The following PALLD variants were observed in gnomAD, a reference collection of about 807,000 sequenced individuals.
The protein encoded by PALLD is palladin, cytoskeletal associated protein, also known as palladin.
A neutral mutation model predicts 123.5 loss-of-function variants in PALLD; 61 were observed. That is an observed-to-expected ratio of 0.49 (90% CI 0.40 to 0.61). PALLD has a LOEUF of 0.61. Among genes scored for constraint, PALLD ranks in the 20% least tolerant of loss-of-function variants. PALLD has a pLI of 0.00. For synonymous variants in PALLD, 465 were observed against 496.4 expected, an observed-to-expected ratio of 0.94 and a Z score of 0.84; for missense variants, 1,273 against 1,377.0, an observed-to-expected ratio of 0.92 and a Z score of 1.20.
chr4:168,827,363 T>C (rs1743560529), intron 10 of PALLD, among the ~76,000 whole-genome samples: 1 of 152,274 alleles, frequency 6.6e-6, no homozygotes, highest in Non-Finnish European at 1.5e-5. Flanking sequence ...ATTTTGGTTT[T>C]TTAAAGTTTC....
intron 8 of PALLD, among the ~76,000 whole-genome samples, chr4:168,699,211 T>C (rs1314893324): frequency 6.6e-6 from 1 of 152,152 alleles, no homozygotes; most frequent in African/African-American, 2.4e-5. Flanking sequence ...CCCAAGTAGC[T>C]GGAATTACAG....
chr4:168,764,563 G>C (rs574613733), intron 10 of PALLD, among the ~76,000 whole-genome samples: 2 of 152,204 alleles, frequency 1.3e-5, no homozygotes, highest in South Asian at 4.2e-4. Flanking sequence ...GACTACAGAT[G>C]TGTGCCACTG....
intron 10 of PALLD, 78 bp downstream of exon 10, chr4:168,712,001 C>A: frequency 7.8e-7 from 1 of 1,290,124 alleles, no homozygotes; most frequent in Non-Finnish European, 1.1e-6. Context: ...AAAACTTTTG[C>A]CTGTATTCAA....
chr4:168,639,220 A>G lies in PALLD; in HGVS notation c.909-28970A>G, dbSNP rs180743008. Among the ~76,000 whole-genome samples the G allele has an allele frequency of 1.8e-4, 27 of 152,360 alleles. No individual in the cohort carries two copies. The East Asian group carries it at 5.0e-3, about 28-fold the overall frequency. On this transcript the variant is annotated intron_variant, in intron 2 of 21. Coordinates refer to ENST00000505667, the MANE Select transcript of PALLD (RefSeq NM_001166108.2). ...TTTTCAAAACTGTGAAAACCACAGA[A>G]GTCATTGCTCAGTTGCCTTTATTTT...
intron 8 of PALLD, among the ~76,000 whole-genome samples, chr4:168,698,308 G>A (rs1482299823): frequency 6.6e-6 from 1 of 152,162 alleles, no homozygotes; most frequent in Non-Finnish European, 1.5e-5. Flanking sequence ...CAGGGTGACT[G>A]TAGTCAATAA....
chr4:168,858,027 G>A (rs972635851), intron 10 of PALLD, among the ~76,000 whole-genome samples: 2 of 152,216 alleles, frequency 1.3e-5, no homozygotes, highest in Non-Finnish European at 2.9e-5. Context: ...CAACACTTCT[G>A]ATGAGGGCAG....
chr4:168,568,204 G>A (rs956828022), intron 2 of PALLD, among the ~76,000 whole-genome samples: 1 of 151,698 alleles, frequency 6.6e-6, no homozygotes, highest in Non-Finnish European at 1.5e-5. Flanking sequence ...AGGCTTTATC[G>A]ACCTAGTGAT....
chr4:168,853,318 T>C (rs1748073276), intron 10 of PALLD, among the ~76,000 whole-genome samples: 1 of 152,186 alleles, frequency 6.6e-6, no homozygotes, highest in African/African-American at 2.4e-5. Flanking sequence ...CCACAGAAGC[T>C]CTCAGATGCC....
chr4:168,530,630 C>T (rs1198729515), intron 2 of PALLD: 1 of 152,256 alleles, frequency 6.6e-6, no homozygotes, highest in Non-Finnish European at 1.5e-5. Flanking sequence ...TAAAACTGCA[C>T]TGTCTCTTTG....
rs1260141929 is a variant in PALLD at position 168,921,637 on chromosome 4, C to T, written c.2954C>T (p.Ser985Phe). ...CTGGTGCGTGAGAACGGGGTGCACT[C>T]TCTGATCATAGAGCCAGTCACGTCA... Reference protein sequence around the residue: ...KMLVRENGVHSLIIEPVTSRD... With the variant: ...KMLVRENGVHFLIIEPVTSRD... Residue 985 changes from serine to phenylalanine, a missense_variant, in exon 18 of 22, where the codon TCT becomes TTT. Physicochemically the swap from Ser to Phe is radical, Grantham distance 155. Transcript: ENST00000505667. 1.2e-6 allele frequency: 2 copies of T among 1,611,342 alleles called. No individual in the cohort carries two copies. Among genetic ancestry groups the T allele is most frequent in the Non-Finnish European group, 1.7e-6 (2 of 1,179,670 alleles).
chr4:168,557,720 C>T (rs1767464413), intron 2 of PALLD, among the ~76,000 whole-genome samples: 1 of 152,204 alleles, frequency 6.6e-6, no homozygotes, highest in Non-Finnish European at 1.5e-5. Flanking sequence ...CGGTCTCCTT[C>T]AGTAGTAAGA....
chr4:168,543,236 G>A (rs141315431), intron 2 of PALLD, among the ~76,000 whole-genome samples: 18 of 152,002 alleles, frequency 1.2e-4, no homozygotes, highest in Non-Finnish European at 2.2e-4. Flanking sequence ...CGATACTACT[G>A]TTGAGAGGAA....
At chr4:168,786,653 G>A (rs924106876) in intron 10 of PALLD, among the ~76,000 whole-genome samples, 3 of 152,212 alleles carry the variant, frequency 2.0e-5, no homozygotes, top group Admixed American at 6.5e-5. Flanking sequence ...TTGGGCAACA[G>A]AGCGAGACCC....
Position 168,761,322 on chromosome 4 carries a change from G to GGAAC in PALLD, c.1964+49399_1964+49400insGAAC, listed in dbSNP as rs2150440123. ...GTCCCCTGTGTTCCTGTGGTCCGCT[G>GGAAC]TAGGGCTACTCTGGAGTCTCTGGCT... On this transcript the variant is annotated intron_variant, in intron 10 of 21. Coordinates refer to ENST00000505667, the MANE Select transcript of PALLD (RefSeq NM_001166108.2). Among the ~76,000 whole-genome samples, 3 of 152,216 alleles carry GGAAC rather than the reference G, an allele frequency of 2.0e-5. No homozygotes were observed. In the South Asian group the frequency reaches 6.2e-4, roughly 32 times the overall value.
At chr4:168,631,234 A>G (rs985121921) in intron 2 of PALLD, among the ~76,000 whole-genome samples, 10 of 152,212 alleles carry the variant, frequency 6.6e-5, no homozygotes, top group African/African-American at 2.4e-4. Context: ...CTTGTGTGGA[A>G]GGGTACAGAA....
chr4:168,918,833 T>TA (rs1760811556), intron 17 of PALLD, among the ~76,000 whole-genome samples: 1 of 152,220 alleles, frequency 6.6e-6, no homozygotes, highest in African/African-American at 2.4e-5. Context: ...AGACCACTTG[T>TA]AAAATAACGT....
chr4:168,533,995 A>T (rs1397207241), intron 2 of PALLD, among the ~76,000 whole-genome samples: 2 of 152,216 alleles, frequency 1.3e-5, no homozygotes, highest in East Asian at 3.8e-4. Flanking sequence ...AGAATGGCCA[A>T]ATAATCTTGT....
chr4:168,639,833 CGT>C (rs1776761058), intron 2 of PALLD, among the ~76,000 whole-genome samples: 1 of 152,174 alleles, frequency 6.6e-6, no homozygotes, highest in Non-Finnish European at 1.5e-5. Flanking sequence ...CGTGAGCCAC[CGT>C]GCCCGGCCTG....
intron 2 of PALLD, among the ~76,000 whole-genome samples, chr4:168,646,398 G>C (rs1392572445): frequency 1.3e-5 from 2 of 152,216 alleles, no homozygotes; most frequent in African/African-American, 4.8e-5. Flanking sequence ...ACTGGGCCAA[G>C]CTCGGGGCTT....
Sources: gnomAD v4.1 joint callset for allele counts (sites outside exome capture counted in the v4.1 genomes callset) on GRCh38, gnomAD v4.1.1 for gene constraint, MANE v1.5 for transcripts, NCBI Gene and HGNC (gene_info 2026-07-23, HGNC 2026-07-21) for gene names.